The following RPS6KA2 variants were observed in gnomAD, a reference collection of about 807,000 sequenced individuals.
RPS6KA2 encodes ribosomal protein S6 kinase alpha-2.
RPS6KA2 carries 42 observed loss-of-function variants against 91.8 expected under a neutral mutation model. The ratio of observed to expected loss-of-function variants is 0.46; its 90% confidence interval spans 0.36 to 0.59. The LOEUF is 0.59. Among genes scored for constraint, RPS6KA2 ranks in the 20% least tolerant of loss-of-function variants. The pLI, the probability that RPS6KA2 is intolerant of heterozygous loss-of-function variation, is 0.00. For missense variants in RPS6KA2, 798 were observed against 978.5 expected (o/e 0.82, Z 2.46); for synonymous variants, 414 against 393.6 (o/e 1.05, Z -0.61).
chr6:166,558,372 G>C (rs1470198209), intron 1 of RPS6KA2, among the ~76,000 whole-genome samples: 3 of 152,214 alleles, frequency 2.0e-5, no homozygotes, highest in Non-Finnish European at 4.4e-5. Context: ...ACTTTGGCTG[G>C]TGGAGGAGGC....
Position 166,418,092 on chromosome 6 carries a change from GA to G in RPS6KA2, c.1938+132del, listed in dbSNP as rs112340841. The G allele has an allele frequency of 0.17, 91,160 of 529,058 alleles. 50 individuals are homozygous for G. Among genetic ancestry groups the G allele is most frequent in the South Asian group, 0.22 (9,300 of 41,618 alleles). 32.8% of individuals were successfully genotyped at this position (529,058 alleles called of 1,614,324 possible). On this transcript the variant is annotated intron_variant, in intron 19 of 20. Transcript: ENST00000265678. This position sits in a 1 kb window ranked among gnomAD's most constrained non-coding sequence, Gnocchi z 4.9. ...GAGACAGAGCGAGACTCCATTTCAA[GA>G]AAAAAAAAAAAATATGCTGAGGATA...
rs6456128 is a variant in RPS6KA2, at chr6:166,784,719, G to A, written c.123+73481C>T. Among the ~76,000 whole-genome samples the A allele has an allele frequency of 3.8e-3, 319 of 84,236 alleles. 6 individuals are homozygous for A. The highest frequency in any genetic ancestry group is 5.0e-3 in the Non-Finnish European group (211 of 42,130). The allele number at this position is 84,236 out of a possible 152,430, so 55.3% of individuals were successfully genotyped here. A position where few individuals can be genotyped will look rare whatever the true frequency, so the allele number is the denominator to read the frequency against. On this transcript the variant is annotated intron_variant, in intron 2 of 21. Transcript: ENST00000503859. ...TGCACACCTATGCATAACCACATAT[G>A]CACACGTGCACACCTATCTATAACC...
chr6:166,604,466 C>A (rs1218142811), intron 1 of RPS6KA2, among the ~76,000 whole-genome samples: 1 of 152,154 alleles, frequency 6.6e-6, no homozygotes, highest in Non-Finnish European at 1.5e-5. Flanking sequence ...TGCGTGCTTC[C>A]CCGCTGGGGT....
chr6:166,669,919 G>A (rs1448994853), intron 2 of RPS6KA2, among the ~76,000 whole-genome samples: 3 of 152,202 alleles, frequency 2.0e-5, no homozygotes, highest in Non-Finnish European at 4.4e-5. Context: ...AGGAACCCAC[G>A]TGGGGCCCGG....
chr6:166,810,310 G>A (rs1264415839), intron 2 of RPS6KA2, among the ~76,000 whole-genome samples: 6 of 152,132 alleles, frequency 3.9e-5, no homozygotes, highest in Admixed American at 1.3e-4. Context: ...GTGTGGGTGC[G>A]TGGAATGCTC....
chr6:166,762,566 C>T (rs968171271), intron 2 of RPS6KA2, among the ~76,000 whole-genome samples: 2 of 152,210 alleles, frequency 1.3e-5, no homozygotes, highest in Admixed American at 1.3e-4. Context: ...CACACAGGAT[C>T]TCGCACTGGG....
chr6:166,814,469 G>A (rs1332141544), intron 2 of RPS6KA2, among the ~76,000 whole-genome samples: 4 of 152,330 alleles, frequency 2.6e-5, no homozygotes, highest in Admixed American at 2.0e-4. Flanking sequence ...GTACCAGCCC[G>A]TGGCCTGTTA....
rs983433079 is a variant in RPS6KA2, at chr6:166,495,462, G to A, written c.747+3046C>T. ...CTGCTGTGTTGACGTGCCGGGCAGC[G>A]CTGGGCCAGGCCTCCTTCAGAAGCT... On this transcript the variant is annotated intron_variant, in intron 8 of 20. Coordinates refer to ENST00000265678, the MANE Select transcript of RPS6KA2 (RefSeq NM_021135.6). The surrounding 1 kb of genome is among the most constrained non-coding windows in gnomAD (Gnocchi z 4.4). Among the ~76,000 whole-genome samples the A allele has an allele frequency of 2.0e-5, 3 of 152,196 alleles. No homozygotes were observed. The highest frequency in any genetic ancestry group is 4.8e-5 in the African/African-American group (2 of 41,436).
intron 2 of RPS6KA2, among the ~76,000 whole-genome samples, chr6:166,833,661 G>C (rs1203380697): frequency 5.3e-5 from 8 of 152,296 alleles, no homozygotes; most frequent in Middle Eastern, 3.4e-3. Flanking sequence ...ACTAATTCTT[G>C]TGAGATGTAC....
intron 1 of RPS6KA2, among the ~76,000 whole-genome samples, chr6:166,599,876 C>T (rs1785667590): frequency 6.6e-6 from 1 of 152,146 alleles, no homozygotes; most frequent in South Asian, 2.1e-4. Flanking sequence ...ACTCTCAAGG[C>T]CTAGAGCAGA....
At chr6:166,475,603 G>T in intron 10 of RPS6KA2, 1 of 302,586 alleles carries the variant, frequency 3.3e-6, no homozygotes, top group African/African-American at 2.2e-5. Context: ...CAAACCAGTG[G>T]CCTCTGGAGG....
At chr6:166,860,478 C>A (rs914716308) in intron 1 of RPS6KA2, among the ~76,000 whole-genome samples, 2 of 152,190 alleles carry the variant, frequency 1.3e-5, no homozygotes, top group Admixed American at 6.5e-5. Context: ...GGAATCTATT[C>A]ATTGCTGATC....
At chr6:166,768,068 C>T (rs950182389) in intron 2 of RPS6KA2, among the ~76,000 whole-genome samples, 11 of 152,160 alleles carry the variant, frequency 7.2e-5, no homozygotes, top group Non-Finnish European at 1.6e-4. Flanking sequence ...CAAGTCCCAC[C>T]CAATCGACAG....
rs1239495336 is a variant in RPS6KA2, at chr6:166,859,016, C to T, written c.64-757G>A. Among the ~76,000 whole-genome samples the T allele has an allele frequency of 6.3e-5, 5 of 79,592 alleles. 1 individual carries two copies. Among genetic ancestry groups the T allele is most frequent in the African/African-American group, 1.4e-4 (5 of 34,676 alleles). The allele number at this position is 79,592 out of a possible 152,430, so 52.2% of individuals were successfully genotyped here. ...AGCACCGGCTGCCATGCAGCAGACA[C>T]GGGAGAGCTCCACGGAAGAACACCA... On this transcript the variant is annotated intron_variant, in intron 1 of 21. Transcript: ENST00000503859.
At position 166,751,652 on chromosome 6, in the gene RPS6KA2, A is replaced by G. The variant is rs181371307; in HGVS notation, c.123+106548T>C. On this transcript the variant is annotated intron_variant, in intron 2 of 21. Transcript: ENST00000503859. ...TGAGCTTGGAATCAAGGTATTCCCAAATTTTCTGCTCGAAGCCCCACAAGT... is the reference window on the plus strand; with the variant it reads ...TGAGCTTGGAATCAAGGTATTCCCAGATTTTCTGCTCGAAGCCCCACAAGT... 5.1e-4 allele frequency among the ~76,000 whole-genome samples: 78 copies of G among 152,326 alleles called. 1 individual carries two copies. Among genetic ancestry groups the G allele is most frequent in the Non-Finnish European group, 9.8e-4 (67 of 68,030 alleles).
At chr6:166,816,616 C>T (rs146017084) in intron 2 of RPS6KA2, among the ~76,000 whole-genome samples, 38 of 151,942 alleles carry the variant, frequency 2.5e-4, no homozygotes, top group African/African-American at 8.7e-4. Flanking sequence ...TAACGCCTTC[C>T]CCAATTAATG....
intron 1 of RPS6KA2, among the ~76,000 whole-genome samples, chr6:166,576,728 C>T (rs1283190698): frequency 1.3e-5 from 2 of 152,106 alleles, no homozygotes; most frequent in African/African-American, 4.8e-5. Context: ...AAATTTGCAG[C>T]CTGACAATGT....
chr6:166,839,422 G>C (rs955892120), intron 2 of RPS6KA2, among the ~76,000 whole-genome samples: 4 of 151,844 alleles, frequency 2.6e-5, no homozygotes, highest in African/African-American at 9.7e-5. Context: ...ATGTTTGTTA[G>C]ATAAATAAGT....
chr6:166,685,595 T>C (rs1484063864), intron 2 of RPS6KA2, among the ~76,000 whole-genome samples: 2 of 152,164 alleles, frequency 1.3e-5, no homozygotes, highest in Admixed American at 1.3e-4. Context: ...TTAGGGAAGA[T>C]CTTGGATTCA....
Sources: gnomAD v4.1 joint callset for allele counts (sites outside exome capture counted in the v4.1 genomes callset) on GRCh38, gnomAD v4.1.1 for gene constraint, Gnocchi (gnomAD v3.1) non-coding constraint, MANE v1.5 for transcripts, NCBI Gene and HGNC (gene_info 2026-07-23, HGNC 2026-07-21) for gene names.